Variants in SP4 observed in about 807,000 individuals in gnomAD.
SP4 encodes the protein transcription factor Sp4.
A neutral mutation model predicts 72.8 loss-of-function variants in SP4; 19 were observed. That is an observed-to-expected ratio of 0.26 (90% CI 0.18 to 0.38). The LOEUF is 0.38. Ranked by LOEUF, SP4 falls within the 10% of genes least tolerant of loss-of-function variation. The pLI, the probability that SP4 is intolerant of heterozygous loss-of-function variation, is 1.00. For missense variants in SP4, 1,008 were observed against 926.3 expected (o/e 1.09, Z -1.14); for synonymous variants, 395 against 333.1 (o/e 1.19, Z -2.02).
chr7:21,434,748 C>T (rs1782990302), intron 3 of SP4, among the ~76,000 whole-genome samples: 1 of 152,028 alleles, frequency 6.6e-6, no homozygotes, highest in Non-Finnish European at 1.5e-5. Flanking sequence ...TTTTTTCCAC[C>T]CTCACCCTGC....
chr7:21,497,826 A>G (rs553930677), intron 5 of SP4, among the ~76,000 whole-genome samples: 1 of 152,360 alleles, frequency 6.6e-6, no homozygotes, highest in East Asian at 1.9e-4. Flanking sequence ...AAGAGCTTCT[A>G]TATTTGAGTT....
At chr7:21,453,435 T>A (rs1783662681) in intron 3 of SP4, among the ~76,000 whole-genome samples, 1 of 152,192 alleles carries the variant, frequency 6.6e-6, no homozygotes, top group African/African-American at 2.4e-5. Context: ...AAAAGGAAAT[T>A]TGTTAGCCTC....
chr7:21,503,464 A>G (rs1781919074), intron 5 of SP4, among the ~76,000 whole-genome samples: 1 of 152,130 alleles, frequency 6.6e-6, no homozygotes, highest in Non-Finnish European at 1.5e-5. Flanking sequence ...CATTCTTTCT[A>G]CTTTCCAGAG....
intron 5 of SP4, among the ~76,000 whole-genome samples, chr7:21,495,148 C>T (rs965974288): frequency 1.3e-5 from 2 of 152,092 alleles, no homozygotes; most frequent in African/African-American, 4.8e-5. Flanking sequence ...AAATATAGGA[C>T]AAAATCTTTG....
chr7:21,456,808 C>T (rs1223778540), intron 3 of SP4, among the ~76,000 whole-genome samples: 1 of 152,208 alleles, frequency 6.6e-6, no homozygotes, highest in African/African-American at 2.4e-5. Context: ...GGGATTTCCT[C>T]TGCTTTTTCA....
At chr7:21,436,589 T>C (rs1023914766) in intron 3 of SP4, among the ~76,000 whole-genome samples, 1 of 152,216 alleles carries the variant, frequency 6.6e-6, no homozygotes, top group African/African-American at 2.4e-5. Flanking sequence ...CAGTAAGGAT[T>C]GACAGTAACG....
intron 3 of SP4, among the ~76,000 whole-genome samples, chr7:21,453,007 T>G (rs1345540081): frequency 2.6e-5 from 4 of 152,158 alleles, no homozygotes; most frequent in Non-Finnish European, 5.9e-5. Flanking sequence ...CTTGAACTCC[T>G]GACCTTGTGA....
chr7:21,430,966 G>T (rs1052296207), intron 3 of SP4, 123 bp downstream of exon 3: 7 of 670,988 alleles, frequency 1.0e-5, no homozygotes, highest in African/African-American at 1.8e-5. Flanking sequence ...TAAGGAACCA[G>T]AAATAGCAAT....
chr7:21,434,150 T>G (rs1782969000), intron 3 of SP4, among the ~76,000 whole-genome samples: 1 of 152,180 alleles, frequency 6.6e-6, no homozygotes, highest in Non-Finnish European at 1.5e-5. Flanking sequence ...TGGTATTGTT[T>G]AATTTGTGGG....
intron 5 of SP4, among the ~76,000 whole-genome samples, chr7:21,491,245 T>G (rs1244728308): frequency 2.0e-5 from 3 of 152,178 alleles, no homozygotes; most frequent in Admixed American, 1.3e-4. Flanking sequence ...AATAGAAATT[T>G]TAGATTTAGA....
At chr7:21,477,376 G>A in intron 4 of SP4, 69 bp downstream of exon 4, 2 of 940,946 alleles carry the variant, frequency 2.1e-6, no homozygotes. Flanking sequence ...CAAGTAATTG[G>A]CTGGGAATGA....
At position 21,429,513 on chromosome 7, in the gene SP4, C is replaced by A; in HGVS notation, c.348C>A (p.Asn116Lys). 6.2e-7 allele frequency: 1 copy of A among 1,614,122 alleles called. No individual in the cohort carries two copies. The highest frequency in any genetic ancestry group is 2.2e-5 in the East Asian group (1 of 44,884). The change falls in exon 3 of 6, where the codon AAC (asparagine) becomes AAA (lysine). Residue 116 changes from asparagine to lysine, a missense_variant. Physicochemically the swap from Asn to Lys is moderately conservative, Grantham distance 94 (BLOSUM62 0). This residue lies in a region of SP4 where 893 missense variants were observed against 743.3 expected (regional missense o/e 1.20). Transcript: ENST00000222584. ...CTCCTCCTGCTTCAAAAGAGAATAA[C>A]GTTTCTCAACCAGCCTCTAGTTCGT... ...ASTPPASKEN[N>K]VSQPASSSSS...
At chr7:21,465,525 T>G (rs576714706) in intron 3 of SP4, among the ~76,000 whole-genome samples, 15 of 152,326 alleles carry the variant, frequency 9.8e-5, no homozygotes, top group African/African-American at 3.4e-4. Flanking sequence ...TAAAATAGTT[T>G]AGTTCGATTA....
intron 3 of SP4, among the ~76,000 whole-genome samples, chr7:21,438,343 C>A (rs1044456391): frequency 6.6e-6 from 1 of 152,100 alleles, no homozygotes; most frequent in African/African-American, 2.4e-5. Flanking sequence ...CTTAAACTTA[C>A]ATGATTAAGT....
intron 5 of SP4, among the ~76,000 whole-genome samples, chr7:21,493,533 T>C (rs57142662): frequency 0.036 from 5,427 of 148,788 alleles, 358 homozygotes; most frequent in East Asian, 0.27. Flanking sequence ...TGGGAAATAA[T>C]AAAGAGTAGA....
At chr7:21,504,222 GA>G (rs1285300657) in intron 5 of SP4, among the ~76,000 whole-genome samples, 1 of 152,134 alleles carries the variant, frequency 6.6e-6, no homozygotes, top group African/African-American at 2.4e-5. Flanking sequence ...CTGGAAGGAG[GA>G]GGCTTTCTAA....
intron 2 of SP4, 105 bp downstream of exon 2, chr7:21,428,897 CAA>C: frequency 1.1e-6 from 1 of 895,726 alleles, no homozygotes; most frequent in South Asian, 1.8e-5. Context: ...TTTATCCACT[CAA>C]AGCATCTTTC....
chr7:21,460,488 G>A lies in SP4; in HGVS notation c.1679-16591G>A, dbSNP rs563317270. Among the ~76,000 whole-genome samples the A allele has an allele frequency of 1.1e-4, 17 of 152,216 alleles. 1 individual carries two copies. The South Asian group carries it at 1.5e-3, about 13-fold the overall frequency. Reference sequence around the variant, plus strand: ...TAAAGGCAGTGTGGACCCAAAGAGTGAGCAGCAGCAAGATTTATTGCGAAG... The same window carrying A: ...TAAAGGCAGTGTGGACCCAAAGAGTAAGCAGCAGCAAGATTTATTGCGAAG... On this transcript the variant is annotated intron_variant, in intron 3 of 5. Transcript: ENST00000222584.
At chr7:21,510,901 AT>A in intron 5 of SP4, 120 bp from the exon 6 acceptor site, 1 of 916,452 alleles carries the variant, frequency 1.1e-6, no homozygotes. Context: ...AAAACAAAGC[AT>A]TTTGCAACTA....
Sources: allele counts gnomAD v4.1 joint callset (sites outside exome capture counted in the v4.1 genomes callset), GRCh38; gene constraint gnomAD v4.1.1; regional missense constraint gnomAD v4.1.1; transcripts MANE v1.5; gene names NCBI Gene and HGNC (gene_info 2026-07-23, HGNC 2026-07-21).